STRN3: variants seen among roughly 807,000 people sequenced by gnomAD.
The protein encoded by STRN3 is striatin-3.
A neutral mutation model predicts 95.6 loss-of-function variants in STRN3; 29 were observed. That is an observed-to-expected ratio of 0.30 (90% CI 0.23 to 0.41). The LOEUF (loss-of-function observed/expected upper bound fraction) is 0.41, where lower values mean the gene tolerates loss of function less well. STRN3 is among the 10% of genes least tolerant of loss of function. The pLI is 1.00. For missense variants in STRN3, 890 were observed against 972.1 expected (o/e 0.92, Z 1.12); for synonymous variants, 331 against 357.6 (o/e 0.93, Z 0.84).
rs1416678728 is a variant in STRN3, at chr14:30,911,996, A to G, written c.1550+11T>C. ...GGAAGAAATACACCAGGCTAACACTAAAATACTTGCTTTTTGGCAGGAACT... is the reference window on the plus strand; with the variant it reads ...GGAAGAAATACACCAGGCTAACACTGAAATACTTGCTTTTTGGCAGGAACT... On this transcript the variant is annotated intron_variant, in intron 11 of 17. Coordinates refer to ENST00000357479, the MANE Select transcript of STRN3 (RefSeq NM_001083893.2). The G allele has an allele frequency of 2.5e-6, 4 of 1,605,920 alleles. No individual in the cohort carries two copies. The highest frequency in any genetic ancestry group is 3.4e-6 in the Non-Finnish European group (4 of 1,177,832).
At chr14:30,940,294 C>T (rs908280526) in intron 5 of STRN3, among the ~76,000 whole-genome samples, 2 of 152,144 alleles carry the variant, frequency 1.3e-5, no homozygotes, top group Non-Finnish European at 2.9e-5. Context: ...CCTACACTTT[C>T]TTCCTTCTTG....
chr14:30,991,025 T>C (rs754329262), intron 1 of STRN3, among the ~76,000 whole-genome samples: 1 of 152,210 alleles, frequency 6.6e-6, no homozygotes, highest in Non-Finnish European at 1.5e-5. Flanking sequence ...ATTAACATCA[T>C]CACAGCTTAC....
At chr14:30,953,910 T>C (rs549679012) in intron 3 of STRN3, among the ~76,000 whole-genome samples, 12 of 152,298 alleles carry the variant, frequency 7.9e-5, no homozygotes, top group Non-Finnish European at 8.8e-5. Flanking sequence ...ATTACAGGAA[T>C]GAGCCACAGC....
intron 1 of STRN3, among the ~76,000 whole-genome samples, chr14:30,967,267 G>T (rs1467531381): frequency 6.9e-6 from 1 of 144,436 alleles, no homozygotes; most frequent in African/African-American, 2.6e-5. Flanking sequence ...CAGAGAGAGG[G>T]GGGAAGAGAG....
chr14:30,976,263 G>A (rs1881099772), intron 1 of STRN3, among the ~76,000 whole-genome samples: 1 of 152,182 alleles, frequency 6.6e-6, no homozygotes, highest in South Asian at 2.1e-4. Flanking sequence ...AGTGGGAATA[G>A]TTACATTAAG....
At chr14:30,902,813 A>C (rs1464730601) in intron 15 of STRN3, among the ~76,000 whole-genome samples, 170 bp from the exon 16 acceptor site, 1 of 152,186 alleles carries the variant, frequency 6.6e-6, no homozygotes, top group African/African-American at 2.4e-5. Context: ...TTAAAAAATA[A>C]ACATTTACAT....
At chr14:31,002,653 A>C (rs1330294319) in intron 1 of STRN3, among the ~76,000 whole-genome samples, 1 of 151,514 alleles carries the variant, frequency 6.6e-6, no homozygotes, top group African/African-American at 2.4e-5. Context: ...AAAAGAAAAA[A>C]AAAAAAGGAA....
intron 9 of STRN3, among the ~76,000 whole-genome samples, chr14:30,914,010 A>AT (rs1252114155): frequency 2.6e-5 from 4 of 152,210 alleles, no homozygotes; most frequent in African/African-American, 9.6e-5. Flanking sequence ...ATGGAGTTAA[A>AT]TATCAGATTT....
Position 30,955,856 on chromosome 14 carries a change from G to A in STRN3, c.387-163C>T, listed in dbSNP as rs114893902. 1.8e-3 allele frequency among the ~76,000 whole-genome samples: 281 copies of A among 152,090 alleles called. 1 individual carries two copies. The highest frequency in any genetic ancestry group is 6.5e-3 in the African/African-American group (270 of 41,516). ...TTGCTGTAAAAGAAAAAAAAGGTAA[G>A]TTTCCCAAGTAACACATACCCAAAA... On this transcript the variant is annotated intron_variant, in intron 2 of 17. Coordinates refer to ENST00000357479, the MANE Select transcript of STRN3 (RefSeq NM_001083893.2).
At chr14:30,950,768 T>C in intron 4 of STRN3, 95 bp downstream of exon 4, 1 of 1,160,902 alleles carries the variant, frequency 8.6e-7, no homozygotes, top group Non-Finnish European at 1.2e-6. Context: ...AACATACACA[T>C]TGTCCCAATA....
rs374951029 is a variant in STRN3 at position 30,919,029 on chromosome 14, T to C, written c.1177A>G (p.Ile393Val). Residue 393 changes from isoleucine to valine, a missense_variant, in exon 9 of 18, where the codon ATT becomes GTT. Around this residue, in one of 3 missense-constraint regions of STRN3, gnomAD observed 526 missense variants for 526.3 expected, o/e 1.00. Transcript: ENST00000357479. ...DELPHIPSGI[I>V]NQSRSASTRM... ...GTAGAGGCTGACCTAGACTGATTAA[T>C]GATTCCTGAAGGGATGTGGGGCAGC... 24 of 1,612,568 alleles carry C rather than the reference T, an allele frequency of 1.5e-5. No individual in the cohort carries two copies. Among genetic ancestry groups the C allele is most frequent in the Non-Finnish European group, 2.0e-5 (24 of 1,179,072 alleles).
chr14:30,934,003 T>C (rs1370841905), intron 7 of STRN3, among the ~76,000 whole-genome samples: 1 of 152,220 alleles, frequency 6.6e-6, no homozygotes, highest in East Asian at 1.9e-4. Flanking sequence ...CTCTAGCTTG[T>C]AATTAAGCAA....
chr14:31,003,901 C>A (rs1037453890), intron 1 of STRN3, among the ~76,000 whole-genome samples: 3 of 150,676 alleles, frequency 2.0e-5, no homozygotes, highest in African/African-American at 4.9e-5. Flanking sequence ...ATAATCCCAA[C>A]ACTTTGGGAG....
intron 5 of STRN3, among the ~76,000 whole-genome samples, chr14:30,943,023 A>C (rs1879168423): frequency 6.6e-6 from 1 of 152,218 alleles, no homozygotes; most frequent in African/African-American, 2.4e-5. Flanking sequence ...CATATTCTTA[A>C]CCATTAGGCA....
At chr14:30,982,098 C>CAAAAAAAAAA (rs11451891) in intron 1 of STRN3, among the ~76,000 whole-genome samples, 1 of 75,524 alleles carries the variant, frequency 1.3e-5, no homozygotes, top group Non-Finnish European at 2.3e-5. Context: ...CTCTGTCTCA[C>CAAAAAAAAAA]AAAAAAAAAA....
At chr14:30,979,276 A>C (rs1032061913) in intron 1 of STRN3, among the ~76,000 whole-genome samples, 23 of 152,122 alleles carry the variant, frequency 1.5e-4, no homozygotes, top group African/African-American at 5.6e-4. Context: ...AAATAAAAGG[A>C]AACATTTAAA....
Position 30,985,372 on chromosome 14 carries a change from G to A in STRN3, c.283-29130C>T, listed in dbSNP as rs7142330. Among the ~76,000 whole-genome samples, 781 of 152,054 alleles carry A rather than the reference G, an allele frequency of 5.1e-3. 3 individuals carry two copies. Among genetic ancestry groups the A allele is most frequent in the African/African-American group, 0.017 (725 of 41,468 alleles). Reference sequence around the variant, plus strand: ...TAATCCCAGCACTTTTGGGGGCCGAGGCAGGTGGATGACCTGAGGTCGGGA... The same window carrying A: ...TAATCCCAGCACTTTTGGGGGCCGAAGCAGGTGGATGACCTGAGGTCGGGA... On this transcript the variant is annotated intron_variant, in intron 1 of 17. Transcript: ENST00000357479.
chr14:30,916,005 C>T (rs574055399), intron 9 of STRN3, among the ~76,000 whole-genome samples: 4 of 152,210 alleles, frequency 2.6e-5, no homozygotes, highest in African/African-American at 9.6e-5. Context: ...TATTTTATGA[C>T]ATATTTATGT....
intron 1 of STRN3, among the ~76,000 whole-genome samples, chr14:30,974,541 C>T (rs1476319176): frequency 7.8e-6 from 1 of 127,956 alleles, no homozygotes; most frequent in African/African-American, 3.0e-5. Flanking sequence ...TTTATTTCTG[C>T]AGAAAACAGA....
Sources: allele counts gnomAD v4.1 joint callset (sites outside exome capture counted in the v4.1 genomes callset), GRCh38; gene constraint gnomAD v4.1.1; regional missense constraint gnomAD v4.1.1; transcripts MANE v1.5; gene names NCBI Gene and HGNC (gene_info 2026-07-23, HGNC 2026-07-21).